Variants in ATP9A observed in about 807,000 individuals in gnomAD.
The protein encoded by ATP9A is ATPase phospholipid transporting 9A.
Under a neutral mutation model 144.1 loss-of-function variants are expected in ATP9A, and 52 were observed. That is an observed-to-expected ratio of 0.36 (90% CI 0.29 to 0.45). ATP9A has a LOEUF of 0.45. ATP9A is among the 20% of genes least tolerant of loss of function. The pLI, the probability that ATP9A is intolerant of heterozygous loss-of-function variation, is 1.00. For synonymous variants in ATP9A, 582 were observed against 557.4 expected (o/e 1.04, Z -0.62); for missense variants, 947 against 1,392.7 (o/e 0.68, Z 5.09).
intron 22 of ATP9A, among the ~76,000 whole-genome samples, chr20:51,616,799 G>A (rs2077204783): frequency 6.6e-6 from 1 of 152,168 alleles, no homozygotes. Context: ...AGGCCTTTTG[G>A]TGAGAAGTGA....
At chr20:51,682,998 A>T (rs1316810510) in intron 9 of ATP9A, among the ~76,000 whole-genome samples, 1 of 150,156 alleles carries the variant, frequency 6.7e-6, no homozygotes, top group Non-Finnish European at 1.5e-5. Flanking sequence ...AGGCTGAGGC[A>T]GGAGAATCGC....
intron 18 of ATP9A, among the ~76,000 whole-genome samples, chr20:51,623,461 C>T (rs930085281): frequency 9.2e-5 from 14 of 152,274 alleles, no homozygotes; most frequent in African/African-American, 3.4e-4. Context: ...TCAGTTTCTA[C>T]ATCCATACAA....
At chr20:51,687,782 T>TGAAA (rs2077529968) in intron 9 of ATP9A, among the ~76,000 whole-genome samples, 1 of 149,250 alleles carries the variant, frequency 6.7e-6, no homozygotes, top group Non-Finnish European at 1.5e-5. Context: ...AAAAAATGAA[T>TGAAA]GAATGAATGA....
chr20:51,679,691 A>C (rs1474707365), intron 9 of ATP9A, among the ~76,000 whole-genome samples: 1 of 152,098 alleles, frequency 6.6e-6, no homozygotes, highest in Non-Finnish European at 1.5e-5. Context: ...TGGTTTCTCC[A>C]AAAGGCCAAG....
intron 13 of ATP9A, among the ~76,000 whole-genome samples, chr20:51,666,096 G>T (rs986305816): frequency 2.0e-5 from 3 of 152,188 alleles, no homozygotes; most frequent in African/African-American, 7.2e-5. Context: ...AACCTCAATA[G>T]TATTAGTAAG....
At chr20:51,648,079 C>G (rs998492436) in intron 14 of ATP9A, among the ~76,000 whole-genome samples, 8 of 152,198 alleles carry the variant, frequency 5.3e-5, no homozygotes, top group Admixed American at 5.2e-4. Context: ...CCAACACCCT[C>G]CTAAATCTTT....
At chr20:51,633,073 G>A (rs1436200943) in intron 15 of ATP9A, among the ~76,000 whole-genome samples, 1 of 152,076 alleles carries the variant, frequency 6.6e-6, no homozygotes, top group Non-Finnish European at 1.5e-5. Flanking sequence ...GCAGTGAGCT[G>A]AGATTGCACC....
chr20:51,607,655 C>A (rs553122035), intron 25 of ATP9A, 71 bp from the exon 26 acceptor site: 4 of 1,248,818 alleles, frequency 3.2e-6, no homozygotes, highest in Admixed American at 1.8e-5. Context: ...TCAGCTTTCA[C>A]GTTATTCTCC....
intron 8 of ATP9A, among the ~76,000 whole-genome samples, chr20:51,689,589 G>A (rs1194339551): frequency 6.6e-6 from 1 of 150,800 alleles, no homozygotes; most frequent in Non-Finnish European, 1.5e-5. Flanking sequence ...CCAGGCTGGA[G>A]TGCAGTGGCG....
chr20:51,701,749 T>C (rs916686847), intron 4 of ATP9A, among the ~76,000 whole-genome samples: 1 of 152,218 alleles, frequency 6.6e-6, no homozygotes, highest in Non-Finnish European at 1.5e-5. Flanking sequence ...TTTGAGGGGA[T>C]GAGCCTCGGA....
intron 1 of ATP9A, among the ~76,000 whole-genome samples, chr20:51,735,670 C>G (rs1165395712): frequency 6.6e-6 from 1 of 152,202 alleles, no homozygotes; most frequent in Non-Finnish European, 1.5e-5. Context: ...GAGCCAAAAG[C>G]CCATCTCATT....
Position 51,729,979 on chromosome 20 carries a change from C to A in ATP9A, c.69-1G>T. ...GCAGCATCTCAGCCACTCGCAGCAC[C>A]TGTGGGAAAGAAACCCACGCATCAA... On this transcript the variant is annotated splice_acceptor_variant, in intron 1 of 27. Transcript: ENST00000338821. LOFTEE classifies it high-confidence loss of function. 1 of 1,534,552 alleles carries A rather than the reference C, an allele frequency of 6.5e-7. No individual in the cohort carries two copies. The highest frequency in any genetic ancestry group is 1.3e-5 in the South Asian group (1 of 79,210).
chr20:51,714,178 T>C (rs1366889440), intron 3 of ATP9A, among the ~76,000 whole-genome samples: 1 of 151,862 alleles, frequency 6.6e-6, no homozygotes, highest in African/African-American at 2.4e-5. Context: ...GTGCTGGGAT[T>C]ACAGGGCTTT....
intron 3 of ATP9A, among the ~76,000 whole-genome samples, chr20:51,716,582 G>T (rs1026948457): frequency 1.3e-5 from 2 of 152,040 alleles, no homozygotes; most frequent in African/African-American, 4.8e-5. Context: ...GAGCCCAGGA[G>T]GCAGAGATTG....
At chr20:51,654,794 G>C (rs796362209) in intron 14 of ATP9A, among the ~76,000 whole-genome samples, 4 of 48,870 alleles carry the variant, frequency 8.2e-5, no homozygotes, top group African/African-American at 1.7e-4. Flanking sequence ...TGCCTACTTG[G>C]GGCTTCACAA....
At chr20:51,665,724 CAAAAAA>C (rs34213354) in intron 13 of ATP9A, among the ~76,000 whole-genome samples, 1 of 124,198 alleles carries the variant, frequency 8.1e-6, no homozygotes. Flanking sequence ...GACTTCGTCT[CAAAAAA>C]AAAAAAAAAA....
chr20:51,725,641 C>A (rs577616873), intron 3 of ATP9A, among the ~76,000 whole-genome samples, 178 bp downstream of exon 3: 3 of 152,150 alleles, frequency 2.0e-5, no homozygotes, highest in Admixed American at 6.5e-5. Flanking sequence ...TTGATCCAGG[C>A]GGTATATGAA....
chr20:51,727,702 C>T (rs778213281), intron 2 of ATP9A, among the ~76,000 whole-genome samples: 2 of 152,002 alleles, frequency 1.3e-5, no homozygotes, highest in African/African-American at 4.8e-5. Context: ...GAAGCCGAGG[C>T]GGATGAATCA....
intron 12 of ATP9A, among the ~76,000 whole-genome samples, chr20:51,670,856 C>A (rs953859890): frequency 1.3e-5 from 2 of 152,144 alleles, no homozygotes; most frequent in Non-Finnish European, 2.9e-5. Flanking sequence ...GGAAGCGGGA[C>A]AGAAACACTA....
Sources: allele counts gnomAD v4.1 joint callset (sites outside exome capture counted in the v4.1 genomes callset), GRCh38; gene constraint gnomAD v4.1.1; transcripts MANE v1.5; gene names NCBI Gene and HGNC (gene_info 2026-07-23, HGNC 2026-07-21).